The following TRIP10 variants were observed in gnomAD, a reference collection of about 807,000 sequenced individuals.
TRIP10 encodes thyroid hormone receptor interactor 10, also known as cdc42-interacting protein 4.
A neutral mutation model predicts 80.9 loss-of-function variants in TRIP10; 54 were observed. The observed-to-expected ratio is 0.67, with a 90% CI of 0.54 to 0.84. The LOEUF (loss-of-function observed/expected upper bound fraction) is 0.84. TRIP10 is among the 40% of genes least tolerant of loss of function. TRIP10 has a pLI of 0.00. For missense variants in TRIP10, 773 were observed against 815.3 expected, an observed-to-expected ratio of 0.95 and a Z score of 0.63; for synonymous variants, 321 against 307.2, an observed-to-expected ratio of 1.04 and a Z score of -0.47.
In TRIP10 at chr19:6,744,393, A is replaced by G. The variant is rs906743180; in HGVS notation, c.643-161A>G. 6.6e-6 allele frequency among the ~76,000 whole-genome samples: 1 copy of G among 151,774 alleles called. No homozygotes were observed. The highest frequency in any genetic ancestry group is 1.5e-5 in the Non-Finnish European group (1 of 67,924). On this transcript the variant is annotated intron_variant, in intron 7 of 14. Coordinates refer to ENST00000313244, the MANE Select transcript of TRIP10 (RefSeq NM_001288962.2). The surrounding 1 kb of genome is among the most constrained non-coding windows in gnomAD (Gnocchi z 4.9). ...CCCCTGGCCCTGTGTCTCTTCCCCA[A>G]CCACAGTGGGCTGGAGTCTCTCTTC...
rs921310499 is a variant in TRIP10, at chr19:6,746,088, A to G, written c.1044A>G (p.Gly348=). The change falls in exon 10 of 15, where the codon GGA becomes GGG. Residue 348 remains glycine (G), a synonymous_variant. Transcript: ENST00000313244. The surrounding 1 kb of genome is among the most constrained non-coding windows in gnomAD (Gnocchi z 6.2). ...GGPVPSALPN[G]PPSPRSGRDP... The stretch of plus-strand genomic sequence containing the variant: ...CCGTACCCTCGGCATTGCCTAACGG[A>G]CCCCCGTCCCCCCGCTCCGGCCGTG... 2 of 1,354,236 alleles carry G rather than the reference A, an allele frequency of 1.5e-6. No individual in the cohort carries two copies. Among genetic ancestry groups the G allele is most frequent in the Admixed American group, 2.5e-5 (1 of 40,444 alleles). The allele number at this position is 1,354,236 out of a possible 1,614,324, so 83.9% of individuals were successfully genotyped here. A position where few individuals can be genotyped will look rare whatever the true frequency, so the allele number is the denominator to read the frequency against.
In TRIP10 at chr19:6,744,567, T is replaced by C. The variant is rs764945343; in HGVS notation, c.656T>C (p.Met219Thr). 3 of 1,614,118 alleles carry C rather than the reference T, an allele frequency of 1.9e-6. No homozygotes were observed. In the South Asian group the frequency reaches 3.3e-5, roughly 18 times the overall value. The change falls in exon 8 of 15, where the codon ATG (methionine) becomes ACG (threonine). Residue 219 changes from methionine (M) to threonine (T), a missense_variant. By Grantham distance (81) the Met-to-Thr change is moderately conservative (BLOSUM62 -1). Transcript: ENST00000313244. The surrounding 1 kb of genome is among the most constrained non-coding windows in gnomAD (Gnocchi z 4.9). Reference sequence around the variant, plus strand: ...CTGTCCTTACAGAAGCTCCAAGACATGGATGAACGCAGGGCCACCCGCCTG... The same window carrying C: ...CTGTCCTTACAGAAGCTCCAAGACACGGATGAACGCAGGGCCACCCGCCTG... Reference protein sequence around the residue: ...MPQIFDKLQDMDERRATRLGA... With the variant: ...MPQIFDKLQDTDERRATRLGA...
rs902407586 is a variant in TRIP10, at chr19:6,745,871, T to C, written c.985-158T>C. The C allele has an allele frequency of 1.0e-6, 1 of 984,762 alleles. No individual in the cohort carries two copies. The highest frequency in any genetic ancestry group is 1.2e-6 in the Non-Finnish European group (1 of 829,808). The allele number at this position is 984,762 out of a possible 1,614,324, so 61.0% of individuals were successfully genotyped here. A position where few individuals can be genotyped will look rare whatever the true frequency, so the allele number is the denominator to read the frequency against. On this transcript the variant is annotated intron_variant, in intron 9 of 14. Coordinates refer to ENST00000313244, the MANE Select transcript of TRIP10 (RefSeq NM_001288962.2). This position sits in a 1 kb window ranked among gnomAD's most constrained non-coding sequence, Gnocchi z 7.2. ...ATCTTGAGTTGTGGTTTTCTTACCG[T>C]TTTTTTTCTTTCTCCATTTTGTTTT... is the stretch of plus-strand genomic sequence containing the variant.
rs34808063 is a variant in TRIP10, at chr19:6,750,382, G to A, written c.1486G>A (p.Ala496Thr). The A allele has an allele frequency of 7.3e-4, 1,185 of 1,613,998 alleles. 11 individuals are homozygous for A. The African/African-American group carries it at 0.014, about 18-fold the overall frequency. Residue 496 changes from alanine (A) to threonine (T), a missense_variant, in exon 13 of 15, where the codon GCC becomes ACC. By Grantham distance (58) the Ala-to-Thr change is moderately conservative. Transcript: ENST00000313244. ...HARPPDPPAS[A>T]PPDSSSNSAS... The stretch of plus-strand genomic sequence containing the variant: ...CCGGCCTCCCGACCCCCCCGCTAGC[G>A]CCCCGCCAGACAGCAGCAGCAACAG...
At chr19:6,743,938 A>G (rs1442566782) in intron 7 of TRIP10, 102 bp downstream of exon 7, 5 of 1,451,436 alleles carry the variant, frequency 3.4e-6, no homozygotes, top group Non-Finnish European at 4.7e-6. Context: ...CCCAGTCCCT[A>G]GATTGAAAGG....
At position 6,744,946 on chromosome 19, in the gene TRIP10, C is replaced by A. The variant is rs371864934; in HGVS notation, c.936C>A (p.Gly312=). The A allele has an allele frequency of 6.2e-7, 1 of 1,614,058 alleles. No individual in the cohort carries two copies. The highest frequency in any genetic ancestry group is 1.3e-5 in the African/African-American group (1 of 75,072). ...CGGATGGACGGCCTGAACTCCGAGG[C>A]CCGGGTCGCAGCCGCACCAAGCGCT... is the stretch of plus-strand genomic sequence containing the variant. The part of the protein sequence containing the change: ...TPSDGRPELR[G]PGRSRTKRWP... Residue 312 remains glycine, a synonymous_variant, in exon 9 of 15, where the codon GGC becomes GGA. Coordinates refer to ENST00000313244, the MANE Select transcript of TRIP10 (RefSeq NM_001288962.2). The surrounding 1 kb of genome is among the most constrained non-coding windows in gnomAD (Gnocchi z 4.9).
chr19:6,749,961 C>G lies in TRIP10; in HGVS notation c.1290C>G (p.Val430=). The change falls in exon 12 of 15, where the codon GTC becomes GTG. Residue 430 remains valine, a synonymous_variant. Transcript: ENST00000313244. ...AAGCCCTAAAGAAAATGAAGGATGT[C>G]TATGAGAAGACACCTCAGATGGGGG... ...QREALKKMKD[V]YEKTPQMGDP... 6.2e-7 allele frequency: 1 copy of G among 1,614,132 alleles called. No homozygotes were observed. The highest frequency in any genetic ancestry group is 8.5e-7 in the Non-Finnish European group (1 of 1,180,014).
chr19:6,745,670 A>G lies in TRIP10; in HGVS notation c.985-359A>G. On this transcript the variant is annotated intron_variant, in intron 9 of 14. Coordinates refer to ENST00000313244, the MANE Select transcript of TRIP10 (RefSeq NM_001288962.2). This position sits in a 1 kb window ranked among gnomAD's most constrained non-coding sequence, Gnocchi z 7.2. ...CAGAAAGCTAAGTGGACAGAGAGAC[A>G]TGGGCCTCCCTGCCTCCTGGACCCA... 1 of 985,312 alleles carries G rather than the reference A, an allele frequency of 1.0e-6. No homozygotes were observed. 61.0% of individuals were successfully genotyped at this position (985,312 alleles called of 1,614,324 possible). A position where few individuals can be genotyped will look rare whatever the true frequency, so the allele number is the denominator to read the frequency against.
Position 6,746,428 on chromosome 19 carries a change from T to C in TRIP10, c.1153-24T>C, listed in dbSNP as rs1236034691. 1.2e-6 allele frequency: 2 copies of C among 1,613,250 alleles called. No individual in the cohort carries two copies. The highest frequency in any genetic ancestry group is 1.7e-6 in the Non-Finnish European group (2 of 1,179,348). ...GCAGGCTAGACTCCTTGATCCCAAATTCAGCCCTCTACCCACCTTGCAGAC... is the reference window on the plus strand; with the variant it reads ...GCAGGCTAGACTCCTTGATCCCAAACTCAGCCCTCTACCCACCTTGCAGAC... On this transcript the variant is annotated intron_variant, in intron 10 of 14. Transcript: ENST00000313244. The surrounding 1 kb of genome is among the most constrained non-coding windows in gnomAD (Gnocchi z 6.2).
intron 14 of TRIP10, 76 bp from the exon 15 acceptor site, chr19:6,750,987 C>T: frequency 1.4e-6 from 2 of 1,442,168 alleles, no homozygotes; most frequent in Non-Finnish European, 9.1e-7. Context: ...GAGCGAGGCT[C>T]TGTCTCAAAA....
At position 6,744,608 on chromosome 19, in the gene TRIP10, C is replaced by G; in HGVS notation, c.697C>G (p.Leu233Val). Residue 233 changes from leucine (L) to valine (V), a missense_variant, in exon 8 of 15, where the codon CTC becomes GTC. Transcript: ENST00000313244. This position sits in a 1 kb window ranked among gnomAD's most constrained non-coding sequence, Gnocchi z 4.9. Reference protein sequence around the residue: ...RATRLGAGYGLLSEAELEVVP... With the variant: ...RATRLGAGYGVLSEAELEVVP... ...CACCCGCCTGGGTGCCGGGTATGGG[C>G]TCCTGTCGGAGGCCGAGCTGGAGGT... 1 of 1,614,066 alleles carries G rather than the reference C, an allele frequency of 6.2e-7. No homozygotes were observed. The highest frequency in any genetic ancestry group is 8.5e-7 in the Non-Finnish European group (1 of 1,179,974).
chr19:6,745,070 C>T lies in TRIP10; in HGVS notation c.984+76C>T, dbSNP rs934944149. ...GACAGTGGGGCCCCTATTGAGTCAG[C>T]CCCAGCCGCCTGAACGCCGAGTCTC... On this transcript the variant is annotated intron_variant, in intron 9 of 14. Coordinates refer to ENST00000313244, the MANE Select transcript of TRIP10 (RefSeq NM_001288962.2). The surrounding 1 kb of genome is among the most constrained non-coding windows in gnomAD (Gnocchi z 7.2). The T allele has an allele frequency of 1.1e-5, 17 of 1,497,272 alleles. No individual in the cohort carries two copies. The highest frequency in any genetic ancestry group is 4.2e-5 in the African/African-American group (3 of 71,576). 92.7% of individuals were successfully genotyped at this position (1,497,272 alleles called of 1,614,324 possible).
rs1015262322 is a variant in TRIP10 at position 6,745,176 on chromosome 19, G to A, written c.984+182G>A. ...GATTGGCCTGGGAGTCCCCCGAGGC[G>A]AAGGCGGGGGCAGGGTGGGGAGGTG... On this transcript the variant is annotated intron_variant, in intron 9 of 14. Coordinates refer to ENST00000313244, the MANE Select transcript of TRIP10 (RefSeq NM_001288962.2). This position sits in a 1 kb window ranked among gnomAD's most constrained non-coding sequence, Gnocchi z 7.2. The A allele has an allele frequency of 1.1e-5, 9 of 823,860 alleles. No homozygotes were observed. Among genetic ancestry groups the A allele is most frequent in the Non-Finnish European group, 1.6e-5 (9 of 550,832 alleles). 51.0% of individuals were successfully genotyped at this position (823,860 alleles called of 1,614,324 possible).
Position 6,751,459 on chromosome 19 carries a change from G to A in TRIP10, c.*248G>A. ...CTTTTCTTTCTGCCGCTCGGCTCCGGCCATTTTGTTTTATACAAAAATGGG... is the reference window on the plus strand; with the variant it reads ...CTTTTCTTTCTGCCGCTCGGCTCCGACCATTTTGTTTTATACAAAAATGGG... On this transcript the variant is annotated 3_prime_UTR_variant, in exon 15 of 15. Transcript: ENST00000313244. 1.0e-6 allele frequency: 1 copy of A among 980,368 alleles called. No individual in the cohort carries two copies. The highest frequency in any genetic ancestry group is 1.4e-6 in the Non-Finnish European group (1 of 740,520). 60.7% of individuals were successfully genotyped at this position (980,368 alleles called of 1,614,324 possible).
At chr19:6,743,621 G>C (rs761088781) in intron 6 of TRIP10, 23 bp downstream of exon 6, 33 of 1,378,910 alleles carry the variant, frequency 2.4e-5, no homozygotes, top group Admixed American at 3.5e-5. Context: ...GGGGCGGGGG[G>C]GGGGTGCGGG....
chr19:6,751,474 A>C lies in TRIP10; in HGVS notation c.*263A>C. The C allele has an allele frequency of 1.2e-6, 1 of 837,740 alleles. No homozygotes were observed. The highest frequency in any genetic ancestry group is 1.6e-6 in the Non-Finnish European group (1 of 611,040). 51.9% of individuals were successfully genotyped at this position (837,740 alleles called of 1,614,324 possible). ...CTCGGCTCCGGCCATTTTGTTTTAT[A>C]CAAAAATGGGAAAAAAAAAAAAGAA... is the stretch of plus-strand genomic sequence containing the variant. On this transcript the variant is annotated 3_prime_UTR_variant, in exon 15 of 15. Coordinates refer to ENST00000313244, the MANE Select transcript of TRIP10 (RefSeq NM_001288962.2).
intron 3 of TRIP10, among the ~76,000 whole-genome samples, 153 bp from the exon 4 acceptor site, chr19:6,742,814 G>C (rs1161605826): frequency 1.3e-5 from 2 of 152,004 alleles, no homozygotes; most frequent in Non-Finnish European, 2.9e-5. Context: ...CTCAAGGGTT[G>C]GGGTTAAGGA....
Position 6,743,077 on chromosome 19 carries a change from C to G in TRIP10, c.308C>G (p.Thr103Ser), listed in dbSNP as rs144230339. 1 of 1,614,050 alleles carries G rather than the reference C, an allele frequency of 6.2e-7. No homozygotes were observed. The highest frequency in any genetic ancestry group is 1.3e-5 in the African/African-American group (1 of 74,906). The change falls in exon 4 of 15, where the codon ACC (threonine) becomes AGC (serine). Residue 103 changes from threonine (T) to serine (S), a missense_variant. Physicochemically the swap from Thr to Ser is moderately conservative, Grantham distance 58 (BLOSUM62 1). Transcript: ENST00000313244. Reference sequence around the variant, plus strand: ...AGTGTCCGTGTATGTCTTGAGCTGACCAAGTACTCACAAGAGATGAAACAG... The same window carrying G: ...AGTGTCCGTGTATGTCTTGAGCTGAGCAAGTACTCACAAGAGATGAAACAG... ...NLSVRVCLEL[T>S]KYSQEMKQER...
At position 6,745,906 on chromosome 19, in the gene TRIP10, CTT is replaced by C. The variant is rs1166738775; in HGVS notation, c.985-117_985-116del. On this transcript the variant is annotated intron_variant, in intron 9 of 14. Coordinates refer to ENST00000313244, the MANE Select transcript of TRIP10 (RefSeq NM_001288962.2). The surrounding 1 kb of genome is among the most constrained non-coding windows in gnomAD (Gnocchi z 7.2). The stretch of plus-strand genomic sequence containing the variant: ...TTCTCCATTTTGTTTTTCCTTTTTC[CTT>C]TTTTTGCGTCCATCCGTCCATCCGT... 2.5e-5 allele frequency: 32 copies of C among 1,258,186 alleles called. No homozygotes were observed. The highest frequency in any genetic ancestry group is 2.9e-5 in the Non-Finnish European group (29 of 999,600). 77.9% of individuals were successfully genotyped at this position (1,258,186 alleles called of 1,614,324 possible).
Sources: gnomAD v4.1 joint callset for allele counts (sites outside exome capture counted in the v4.1 genomes callset) on GRCh38, gnomAD v4.1.1 for gene constraint, Gnocchi (gnomAD v3.1) non-coding constraint, MANE v1.5 for transcripts, NCBI Gene and HGNC (gene_info 2026-07-23, HGNC 2026-07-21) for gene names.